Variants in GABRB2 observed in about 807,000 individuals in gnomAD.
GABRB2 encodes the protein gamma-aminobutyric acid receptor subunit beta-2.
GABRB2 carries 16 observed loss-of-function variants against 54.7 expected under a neutral mutation model. The ratio of observed to expected loss-of-function variants is 0.29; its 90% CI spans 0.20 to 0.44. The LOEUF is 0.44. Ranked by LOEUF, GABRB2 falls within the 20% of genes least tolerant of loss-of-function variation. The pLI is 1.00. For missense variants in GABRB2, 355 were observed against 644.0 expected (o/e 0.55, Z 4.86); for synonymous variants, 244 against 233.8 (o/e 1.04, Z -0.40).
chr5:161,400,343 C>T (rs972808306), intron 5 of GABRB2, among the ~76,000 whole-genome samples: 1 of 152,096 alleles, frequency 6.6e-6, no homozygotes, highest in African/African-American at 2.4e-5. Flanking sequence ...AAATGAAGCC[C>T]AGCCAAGAAG....
intron 3 of GABRB2, among the ~76,000 whole-genome samples, chr5:161,524,587 G>C (rs1760216228): frequency 6.6e-6 from 1 of 151,370 alleles, no homozygotes; most frequent in African/African-American, 2.4e-5. Flanking sequence ...AGTTAGCAAT[G>C]AACTGATTTA....
chr5:161,366,930 A>G (rs1754989685), intron 5 of GABRB2, among the ~76,000 whole-genome samples: 1 of 152,220 alleles, frequency 6.6e-6, no homozygotes, highest in Non-Finnish European at 1.5e-5. Flanking sequence ...CCTGGGCAAC[A>G]GAGAAAGACT....
At chr5:161,514,045 T>G (rs768133326) in intron 3 of GABRB2, among the ~76,000 whole-genome samples, 1 of 152,134 alleles carries the variant, frequency 6.6e-6, no homozygotes, top group Non-Finnish European at 1.5e-5. Flanking sequence ...ATGTTTTTCA[T>G]ATAGTTGTAC....
intron 5 of GABRB2, among the ~76,000 whole-genome samples, chr5:161,409,503 A>C (rs1756444538): frequency 6.6e-6 from 1 of 152,104 alleles, no homozygotes; most frequent in African/African-American, 2.4e-5. Flanking sequence ...TGGAAGGCTC[A>C]AATGAAATAA....
Position 161,546,717 on chromosome 5 carries a change from T to C in GABRB2, c.-74A>G, listed in dbSNP as rs537576321. On this transcript the variant is annotated 5_prime_UTR_variant, in exon 1 of 10. Coordinates refer to ENST00000393959, the MANE Select transcript of GABRB2 (RefSeq NM_001371727.1). The stretch of plus-strand genomic sequence containing the variant: ...CAACTTAGTCTGCCCAGTGCAGTAA[T>C]TCTAATGTGAGGCGCATGCGCACGG... 6 of 1,547,202 alleles carry C rather than the reference T, an allele frequency of 3.9e-6. No homozygotes were observed. In the Admixed American group the frequency reaches 7.9e-5, roughly 20 times the overall value.
chr5:161,308,598 C>T (rs1433677900), intron 9 of GABRB2, among the ~76,000 whole-genome samples: 1 of 152,208 alleles, frequency 6.6e-6, no homozygotes, highest in African/African-American at 2.4e-5. Context: ...CATCACTCTA[C>T]CCGACTTCAA....
At chr5:161,397,500 A>G (rs1029363011) in intron 5 of GABRB2, among the ~76,000 whole-genome samples, 13 of 152,218 alleles carry the variant, frequency 8.5e-5, no homozygotes, top group Admixed American at 7.9e-4. Context: ...TGTGAAATCA[A>G]TTTATATAAC....
intron 8 of GABRB2, 115 bp downstream of exon 8, chr5:161,330,768 C>T: frequency 1.4e-6 from 2 of 1,406,034 alleles, no homozygotes; most frequent in Admixed American, 2.0e-5. Flanking sequence ...GGGAAAATTA[C>T]CCATTCTCTT....
intron 4 of GABRB2, among the ~76,000 whole-genome samples, chr5:161,421,893 T>C (rs939120789): frequency 4.6e-5 from 7 of 152,154 alleles, no homozygotes; most frequent in Non-Finnish European, 7.4e-5. Context: ...TTATATAAAA[T>C]AGGCAGTAAA....
chr5:161,445,941 A>G (rs933291993), intron 4 of GABRB2, among the ~76,000 whole-genome samples: 4 of 152,104 alleles, frequency 2.6e-5, no homozygotes, highest in African/African-American at 4.8e-5. Context: ...TGCAGAATAA[A>G]TCTCTTCAAA....
At chr5:161,522,769 G>C (rs1760156878) in intron 3 of GABRB2, among the ~76,000 whole-genome samples, 1 of 151,506 alleles carries the variant, frequency 6.6e-6, no homozygotes, top group Non-Finnish European at 1.5e-5. Context: ...TGGGTGTCCT[G>C]AATCGTAGCC....
At chr5:161,529,095 G>T (rs1760373913) in intron 3 of GABRB2, among the ~76,000 whole-genome samples, 1 of 151,834 alleles carries the variant, frequency 6.6e-6, no homozygotes, top group African/African-American at 2.4e-5. Context: ...TTTGGGGCAA[G>T]AATTGCATTG....
intron 5 of GABRB2, among the ~76,000 whole-genome samples, chr5:161,356,807 T>G (rs750941320): frequency 1.1e-4 from 16 of 152,278 alleles, no homozygotes; most frequent in Non-Finnish European, 1.5e-4. Flanking sequence ...TAGGTCCTAG[T>G]GCTCAAAGAA....
intron 5 of GABRB2, among the ~76,000 whole-genome samples, chr5:161,338,781 G>A (rs1366559343): frequency 6.6e-6 from 1 of 151,998 alleles, no homozygotes. Flanking sequence ...GCTAGACTCT[G>A]CCTCTAAAAA....
intron 3 of GABRB2, among the ~76,000 whole-genome samples, chr5:161,521,253 T>C (rs189313138): frequency 6.6e-6 from 1 of 152,034 alleles, no homozygotes; most frequent in African/African-American, 2.4e-5. Context: ...CCATAATCAC[T>C]AAAACCTCCA....
chr5:161,547,851 T>G (rs566346777), upstream of GABRB2: 63 of 152,006 alleles, frequency 4.1e-4, no homozygotes, highest in African/African-American at 1.4e-3. Context: ...CGCACACACG[T>G]GCAGGCGCAC....
At chr5:161,491,405 G>T (rs545114436) in intron 3 of GABRB2, among the ~76,000 whole-genome samples, 1 of 151,672 alleles carries the variant, frequency 6.6e-6, no homozygotes, top group East Asian at 1.9e-4. Flanking sequence ...TCATGTTCTC[G>T]ATTTAAAACT....
intron 6 of GABRB2, among the ~76,000 whole-genome samples, chr5:161,335,396 T>A (rs1753964057): frequency 6.6e-6 from 1 of 152,106 alleles, no homozygotes; most frequent in African/African-American, 2.4e-5. Flanking sequence ...ATATGCTTCT[T>A]TTTTTTAATA....
At chr5:161,523,802 G>A (rs534118625) in intron 3 of GABRB2, among the ~76,000 whole-genome samples, 1 of 151,134 alleles carries the variant, frequency 6.6e-6, no homozygotes, top group South Asian at 2.1e-4. Flanking sequence ...ATATACTGTA[G>A]GACTACTATG....
Sources: gnomAD v4.1 joint callset for allele counts (sites outside exome capture counted in the v4.1 genomes callset) on GRCh38, gnomAD v4.1.1 for gene constraint, MANE v1.5 for transcripts, NCBI Gene and HGNC (gene_info 2026-07-23, HGNC 2026-07-21) for gene names.